Variants in COLEC12 observed in about 807,000 individuals in gnomAD.
COLEC12 encodes the protein collectin subfamily member 12.
In COLEC12, 33 loss-of-function variants were observed where a neutral mutation model predicts 71.1. That is an observed-to-expected ratio of 0.46 (90% CI 0.35 to 0.62). COLEC12 has a LOEUF of 0.62. Among genes scored for constraint, COLEC12 ranks in the 20% least tolerant of loss-of-function variants. The pLI is 0.00. For synonymous variants in COLEC12, 350 were observed against 353.0 expected (o/e 0.99, Z 0.10); for missense variants, 765 against 916.1 (o/e 0.84, Z 2.13).
chr18:423,161 T>TG (rs1183270638), intron 2 of COLEC12, among the ~76,000 whole-genome samples: 2 of 152,068 alleles, frequency 1.3e-5, no homozygotes, highest in Admixed American at 6.6e-5. Context: ...CCTAGCTCCT[T>TG]GGGAAGATGA....
chr18:439,020 TA>T (rs1304392358), intron 2 of COLEC12, among the ~76,000 whole-genome samples: 1 of 152,208 alleles, frequency 6.6e-6, no homozygotes, highest in East Asian at 1.9e-4. Context: ...ATGCCTCATC[TA>T]CCTGGGAAAC....
chr18:478,895 G>C (rs1917355125), intron 2 of COLEC12, among the ~76,000 whole-genome samples: 1 of 125,270 alleles, frequency 8.0e-6, no homozygotes, highest in Non-Finnish European at 1.6e-5. Flanking sequence ...GTCATCCGTT[G>C]CAACTCCCAC....
intron 2 of COLEC12, among the ~76,000 whole-genome samples, chr18:377,075 G>A (rs9949148): frequency 0.022 from 3,322 of 152,306 alleles, 119 homozygotes; most frequent in African/African-American, 0.07. Context: ...TGCTCTTGGG[G>A]TCCAAAAGGG....
intron 8 of COLEC12, among the ~76,000 whole-genome samples, chr18:329,707 T>G (rs1303799600): frequency 2.0e-5 from 3 of 152,246 alleles, no homozygotes; most frequent in Non-Finnish European, 4.4e-5. Context: ...AAGGGCAGTC[T>G]GAGGCTCACC....
chr18:470,914 A>T (rs975389390), intron 2 of COLEC12, among the ~76,000 whole-genome samples: 2 of 152,254 alleles, frequency 1.3e-5, no homozygotes, highest in African/African-American at 4.8e-5. Flanking sequence ...GTTTCACAGA[A>T]TGAGAACGAC....
rs1917806216 is a variant in COLEC12, at chr18:500,616, C to G, written c.-102G>C. 6.1e-6 allele frequency: 6 copies of G among 980,058 alleles called. No homozygotes were observed. Among genetic ancestry groups the G allele is most frequent in the African/African-American group, 1.7e-5 (1 of 58,152 alleles). The allele number at this position is 980,058 out of a possible 1,614,324, so 60.7% of individuals were successfully genotyped here. ...CTGCTCACCGCACGCCCATGGTAGC[C>G]GCGCCGCGCGCCGGCCGTCTGCGCC... is the stretch of plus-strand genomic sequence containing the variant. On this transcript the variant is annotated 5_prime_UTR_variant, in exon 1 of 10. Transcript: ENST00000400256. The surrounding 1 kb of genome is among the most constrained non-coding windows in gnomAD (Gnocchi z 5.3).
chr18:401,165 C>T (rs568551687), intron 2 of COLEC12, among the ~76,000 whole-genome samples: 2 of 152,138 alleles, frequency 1.3e-5, no homozygotes, highest in African/African-American at 4.8e-5. Context: ...TGATCAAAAC[C>T]CAGCTATTCT....
At chr18:368,069 G>T (rs1303824352) in intron 2 of COLEC12, among the ~76,000 whole-genome samples, 1 of 152,166 alleles carries the variant, frequency 6.6e-6, no homozygotes, top group African/African-American at 2.4e-5. Flanking sequence ...AAGTCAGAAG[G>T]CATGCAATGA....
chr18:324,743 C>T (rs1330124528), intron 8 of COLEC12, among the ~76,000 whole-genome samples: 6 of 152,054 alleles, frequency 3.9e-5, no homozygotes, highest in African/African-American at 4.8e-5. Flanking sequence ...GCACGAGAAT[C>T]GCTTGAAGCC....
At chr18:367,268 C>G (rs73356511) in intron 2 of COLEC12, among the ~76,000 whole-genome samples, 3,797 of 152,204 alleles carry the variant, frequency 0.025, 172 homozygotes, top group African/African-American at 0.084. Context: ...TGCTGTTTGT[C>G]AACGACACAG....
chr18:414,290 G>A (rs1427826183), intron 2 of COLEC12, among the ~76,000 whole-genome samples: 2 of 152,100 alleles, frequency 1.3e-5, no homozygotes, highest in Non-Finnish European at 2.9e-5. Context: ...CAAAATAAAT[G>A]AACAAAAACC....
intron 2 of COLEC12, among the ~76,000 whole-genome samples, chr18:389,208 GAC>G (rs145389624): frequency 3.4e-5 from 5 of 149,234 alleles, no homozygotes; most frequent in Middle Eastern, 3.5e-3. Flanking sequence ...CACACACACA[GAC>G]ACACACACAC....
intron 6 of COLEC12, chr18:334,503 T>G: frequency 2.9e-6 from 1 of 341,174 alleles, no homozygotes; most frequent in Non-Finnish European, 5.2e-6. Flanking sequence ...GGGCACACGC[T>G]TGTAGTCCCA....
chr18:442,191 T>TA (rs1916556597), intron 2 of COLEC12, among the ~76,000 whole-genome samples: 1 of 152,042 alleles, frequency 6.6e-6, no homozygotes, highest in Non-Finnish European at 1.5e-5. Flanking sequence ...AAGACGAAGT[T>TA]ACAGAGGTGT....
intron 2 of COLEC12, among the ~76,000 whole-genome samples, chr18:473,956 CAGAG>C (rs1174097347): frequency 6.6e-6 from 1 of 152,092 alleles, no homozygotes; most frequent in East Asian, 1.9e-4. Context: ...GAATGAAAAC[CAGAG>C]AGAGTGGGGA....
chr18:499,379 G>C (rs1313375484), intron 1 of COLEC12, among the ~76,000 whole-genome samples: 2 of 152,158 alleles, frequency 1.3e-5, no homozygotes, highest in Non-Finnish European at 2.9e-5. Flanking sequence ...GGATATCATC[G>C]CTCCGGTTAG....
intron 2 of COLEC12, among the ~76,000 whole-genome samples, chr18:440,359 C>CAA (rs1916491086): frequency 2.2e-5 from 2 of 92,978 alleles, no homozygotes; most frequent in Non-Finnish European, 4.6e-5. Context: ...GAAATGTTCT[C>CAA]AACACACACA....
rs141386956 is a variant in COLEC12 at position 418,612 on chromosome 18, T to C, written c.59-61090A>G. Among the ~76,000 whole-genome samples, 1,255 of 152,296 alleles carry C rather than the reference T, an allele frequency of 8.2e-3. 21 individuals carry two copies. Among genetic ancestry groups the C allele is most frequent in the African/African-American group, 0.029 (1,198 of 41,556 alleles). ...ACCTTGCTGATAAAACAGGTTGCAG[T>C]GAAGGAGCCGGCCAAAATCCACCAA... On this transcript the variant is annotated intron_variant, in intron 2 of 9. Coordinates refer to ENST00000400256, the MANE Select transcript of COLEC12 (RefSeq NM_130386.3).
intron 2 of COLEC12, among the ~76,000 whole-genome samples, chr18:465,871 G>A (rs1484340920): frequency 1.3e-5 from 2 of 152,022 alleles, no homozygotes; most frequent in African/African-American, 4.8e-5. Flanking sequence ...TCAGGAATTC[G>A]AGACCAGCCT....
Sources: allele counts gnomAD v4.1 joint callset (sites outside exome capture counted in the v4.1 genomes callset), GRCh38; gene constraint gnomAD v4.1.1; non-coding constraint Gnocchi (gnomAD v3.1); transcripts MANE v1.5; gene names NCBI Gene and HGNC (gene_info 2026-07-23, HGNC 2026-07-21).